The following BAALC variants were observed in gnomAD, a reference collection of about 807,000 sequenced individuals.
The protein encoded by BAALC is BAALC binder of MAP3K1 and KLF4.
Under a neutral mutation model 15.5 loss-of-function variants are expected in BAALC, and 9 were observed. The observed-to-expected ratio is 0.58, with a 90% CI of 0.35 to 1.02. BAALC has a LOEUF of 1.02. Ranked by LOEUF, BAALC falls within the 50% of genes least tolerant of loss-of-function variation. BAALC has a pLI of 0.02. For synonymous variants in BAALC, 80 were observed against 74.6 expected (o/e 1.07, Z -0.37); for missense variants, 201 against 192.4 (o/e 1.04, Z -0.27).
chr8:103,178,596 C>T (rs941675222), intron 1 of BAALC, among the ~76,000 whole-genome samples: 8 of 152,180 alleles, frequency 5.3e-5, no homozygotes, highest in East Asian at 3.8e-4. Context: ...CAGTGACTCA[C>T]GCCTGTAATC....
At chr8:103,220,642 G>A (rs1423394991) in intron 2 of BAALC, among the ~76,000 whole-genome samples, 1 of 152,158 alleles carries the variant, frequency 6.6e-6, no homozygotes, top group Non-Finnish European at 1.5e-5. Flanking sequence ...TTAAACTGTG[G>A]TTAAAGGCCA....
intron 1 of BAALC, among the ~76,000 whole-genome samples, chr8:103,150,333 C>CTGTGTGTGTGTGTG (rs34233321): frequency 6.7e-5 from 10 of 149,386 alleles, no homozygotes; most frequent in Admixed American, 2.0e-4. Flanking sequence ...AGAAACATGG[C>CTGTGTGTGTGTGTG]TGTGTGTGTG....
intron 1 of BAALC, among the ~76,000 whole-genome samples, chr8:103,165,270 C>T (rs1811318731): frequency 6.6e-6 from 1 of 152,152 alleles, no homozygotes; most frequent in African/African-American, 2.4e-5. Flanking sequence ...GTATTTTCTA[C>T]AGGAGAGCCA....
chr8:103,200,088 T>C (rs1812180820), intron 1 of BAALC, among the ~76,000 whole-genome samples: 1 of 152,208 alleles, frequency 6.6e-6, no homozygotes, highest in Non-Finnish European at 1.5e-5. Flanking sequence ...TTCCATGTCT[T>C]TACTATTGTG....
At chr8:103,151,448 AG>A (rs2129870028) in intron 1 of BAALC, among the ~76,000 whole-genome samples, 1 of 152,322 alleles carries the variant, frequency 6.6e-6, no homozygotes, top group South Asian at 2.1e-4. Context: ...ACAAGTACAA[AG>A]GGCTTAGTGT....
At chr8:103,181,881 C>T (rs1811737684) in intron 1 of BAALC, among the ~76,000 whole-genome samples, 1 of 152,142 alleles carries the variant, frequency 6.6e-6, no homozygotes. Context: ...AACTCCAAAT[C>T]CATGTTATAG....
chr8:103,167,064 A>G (rs775557842), intron 1 of BAALC, among the ~76,000 whole-genome samples: 4 of 152,206 alleles, frequency 2.6e-5, no homozygotes, highest in Non-Finnish European at 4.4e-5. Flanking sequence ...AAATGGTCCC[A>G]TGAGTATTTA....
chr8:103,213,179 G>T, intron 2 of BAALC, 94 bp downstream of exon 2: 2 of 1,333,658 alleles, frequency 1.5e-6, no homozygotes, highest in Non-Finnish European at 2.0e-6. Flanking sequence ...TCCAGGGAGG[G>T]ACCAGGGATG....
intron 1 of BAALC, among the ~76,000 whole-genome samples, chr8:103,191,674 C>T (rs187958443): frequency 1.4e-3 from 213 of 152,062 alleles, no homozygotes; most frequent in African/African-American, 4.8e-3. Flanking sequence ...ACGGACTTTA[C>T]GGATGATGAT....
At chr8:103,144,574 C>T (rs1001541755) in intron 1 of BAALC, among the ~76,000 whole-genome samples, 3 of 152,168 alleles carry the variant, frequency 2.0e-5, no homozygotes, top group South Asian at 2.1e-4. Flanking sequence ...CATGACCCAA[C>T]CTAGCTCAGT....
At chr8:103,215,581 ATAT>A (rs1474532693) in intron 2 of BAALC, among the ~76,000 whole-genome samples, 10 of 152,072 alleles carry the variant, frequency 6.6e-5, no homozygotes, top group Admixed American at 1.3e-4. Context: ...TGTTCCATAT[ATAT>A]TATTCTGGAA....
intron 1 of BAALC, among the ~76,000 whole-genome samples, chr8:103,190,312 T>C (rs945901819): frequency 1.3e-5 from 2 of 152,126 alleles, no homozygotes; most frequent in African/African-American, 4.8e-5. Context: ...CTCACATCTC[T>C]CTTAAATATC....
At chr8:103,164,681 A>C (rs1811306144) in intron 1 of BAALC, among the ~76,000 whole-genome samples, 1 of 152,126 alleles carries the variant, frequency 6.6e-6, no homozygotes, top group Non-Finnish European at 1.5e-5. Context: ...TAGTCTTGCA[A>C]CTTCCTCCGA....
chr8:103,158,069 A>G (rs923525454), intron 1 of BAALC, among the ~76,000 whole-genome samples: 2 of 152,164 alleles, frequency 1.3e-5, no homozygotes, highest in Non-Finnish European at 2.9e-5. Context: ...TTGAGATACA[A>G]ACAACATCTG....
In BAALC at chr8:103,151,141, C is replaced by T. The variant is rs140802177; in HGVS notation, c.160+10084C>T. On this transcript the variant is annotated intron_variant, in intron 1 of 2. Transcript: ENST00000309982. ...CAAGCGATTCTCCTCCCTCAGCCTC[C>T]CGAGTAGCTGGGACTTCAGGCACCT... 8.1e-3 allele frequency among the ~76,000 whole-genome samples: 1,231 copies of T among 152,128 alleles called. 17 individuals carry two copies. Among genetic ancestry groups the T allele is most frequent in the African/African-American group, 0.027 (1,119 of 41,482 alleles).
At chr8:103,197,225 G>A (rs1362510155) in intron 1 of BAALC, among the ~76,000 whole-genome samples, 4 of 151,208 alleles carry the variant, frequency 2.6e-5, no homozygotes, top group Admixed American at 6.6e-5. Context: ...ACAAATGCAC[G>A]TGAAAGGAAA....
rs2130107399 is a variant in BAALC at position 103,227,894 on chromosome 8, G to A, written c.328-95G>A. 6 of 791,266 alleles carry A rather than the reference G, an allele frequency of 7.6e-6. No homozygotes were observed. The East Asian group carries it at 1.6e-4, about 21-fold the overall frequency. 49.0% of individuals were successfully genotyped at this position (791,266 alleles called of 1,614,324 possible). A position where few individuals can be genotyped will look rare whatever the true frequency, so the allele number is the denominator to read the frequency against. ...TTTCCCAGGCACATTCTCAACTATG[G>A]CACAATAAACCTCTAAATTGATTGA... On this transcript the variant is annotated intron_variant, in intron 2 of 2. Coordinates refer to ENST00000309982, the MANE Select transcript of BAALC (RefSeq NM_024812.3).
chr8:103,175,323 A>G lies in BAALC; in HGVS notation c.160+34266A>G, dbSNP rs1041184972. Among the ~76,000 whole-genome samples the G allele has an allele frequency of 2.6e-5, 4 of 152,240 alleles. No homozygotes were observed. The South Asian group carries it at 8.3e-4, about 31-fold the overall frequency. On this transcript the variant is annotated intron_variant, in intron 1 of 2. Coordinates refer to ENST00000309982, the MANE Select transcript of BAALC (RefSeq NM_024812.3). ...ATTGTGTGCTTTCATGAAAGCAAAA[A>G]TATAAACGATTGAAAATGTGTGCAA...
intron 1 of BAALC, among the ~76,000 whole-genome samples, chr8:103,177,480 C>A (rs1479560773): frequency 3.3e-5 from 5 of 152,180 alleles, no homozygotes; most frequent in Non-Finnish European, 7.4e-5. Context: ...AGCCACTGTA[C>A]CCGGCCTTCT....
Sources: allele counts gnomAD v4.1 joint callset (sites outside exome capture counted in the v4.1 genomes callset), GRCh38; gene constraint gnomAD v4.1.1; transcripts MANE v1.5; gene names NCBI Gene and HGNC (gene_info 2026-07-23, HGNC 2026-07-21).